NCKAP5: variants seen among roughly 807,000 people sequenced by gnomAD.
NCKAP5 encodes the protein NCK associated protein 5, also known as nck-associated protein 5.
NCKAP5 carries 92 observed loss-of-function variants against 167.0 expected under a neutral mutation model. The observed-to-expected ratio is 0.55, with a 90% confidence interval of 0.47 to 0.66. NCKAP5 has a LOEUF of 0.66. NCKAP5 is among the 30% of genes least tolerant of loss of function. NCKAP5 has a pLI of 0.00. For synonymous variants in NCKAP5, 891 were observed against 877.4 expected (o/e 1.02, Z -0.27); for missense variants, 2,378 against 2,315.0 (o/e 1.03, Z -0.56).
intron 11 of NCKAP5, among the ~76,000 whole-genome samples, chr2:132,838,974 C>G (rs1166123433): frequency 6.6e-6 from 1 of 152,160 alleles, no homozygotes; most frequent in Non-Finnish European, 1.5e-5. Flanking sequence ...ACATGGAGAA[C>G]CTTTTGACAT....
intron 6 of NCKAP5, among the ~76,000 whole-genome samples, chr2:133,037,642 T>C (rs539175790): frequency 6.6e-6 from 1 of 152,220 alleles, no homozygotes; most frequent in South Asian, 2.1e-4. Context: ...TATACAGAAG[T>C]CAAATCAAAA....
At chr2:133,047,874 A>T (rs899306445) in intron 6 of NCKAP5, among the ~76,000 whole-genome samples, 24 of 152,228 alleles carry the variant, frequency 1.6e-4, no homozygotes, top group Non-Finnish European at 3.2e-4. Context: ...CTTTTAAAAA[A>T]TGCTTTGCAA....
chr2:133,029,447 G>A (rs568678541), intron 6 of NCKAP5, among the ~76,000 whole-genome samples: 36 of 152,112 alleles, frequency 2.4e-4, no homozygotes, highest in Non-Finnish European at 4.0e-4. Context: ...CTCACCCAGC[G>A]TACCACTACA....
At chr2:133,632,341 C>T in the NCKAP5 span, among the ~76,000 whole-genome samples, 2 of 151,908 alleles carry the variant, frequency 1.3e-5, no homozygotes, top group Non-Finnish European at 2.9e-5. Context: ...TACTTTTTTG[C>T]CTTCGGCAAA....
intron 3 of NCKAP5, among the ~76,000 whole-genome samples, chr2:133,311,090 C>T (rs1275245399): frequency 2.0e-5 from 3 of 152,160 alleles, no homozygotes; most frequent in African/African-American, 7.2e-5. Flanking sequence ...GATAGCATCA[C>T]ATCCCTCAGG....
chr2:132,673,386 G>C, intron 19 of NCKAP5, 81 bp from the exon 20 acceptor site: 1 of 1,181,562 alleles, frequency 8.5e-7, no homozygotes, highest in South Asian at 1.6e-5. Flanking sequence ...ATTATTGTCT[G>C]TATAAAGTAC....
rs145623344 is a variant in NCKAP5, at chr2:132,962,560, T to C, written c.579+1160A>G. 6.6e-3 allele frequency among the ~76,000 whole-genome samples: 1,012 copies of C among 152,218 alleles called. 13 individuals carry two copies. Among genetic ancestry groups the C allele is most frequent in the Non-Finnish European group, 0.011 (723 of 68,010 alleles). On this transcript the variant is annotated intron_variant, in intron 8 of 19. Coordinates refer to ENST00000409261, the MANE Select transcript of NCKAP5 (RefSeq NM_207363.3). ...GAGGTAGAATTGCAGAAAGCAAGCA[T>C]AGAAAACAAGGCCCCTCCAGGTCTT... is the stretch of plus-strand genomic sequence containing the variant.
At chr2:133,656,709 C>T in the NCKAP5 span, among the ~76,000 whole-genome samples, 7 of 152,286 alleles carry the variant, frequency 4.6e-5, no homozygotes, top group South Asian at 1.0e-3. Flanking sequence ...AAAATAAATG[C>T]ACCAAGTGTG....
chr2:133,396,900 G>A (rs1005865099), intron 3 of NCKAP5, among the ~76,000 whole-genome samples: 2 of 152,184 alleles, frequency 1.3e-5, no homozygotes, highest in Admixed American at 6.5e-5. Flanking sequence ...GACTTCAATT[G>A]AAATTCAGCT....
intron 19 of NCKAP5, among the ~76,000 whole-genome samples, chr2:132,682,674 A>G (rs993068767): frequency 1.3e-5 from 2 of 152,182 alleles, no homozygotes; most frequent in Admixed American, 1.3e-4. Context: ...ATTCAGAGTT[A>G]TGGATGTGCC....
At chr2:133,127,055 GAGAAAAAA>G (rs1405241408) in intron 6 of NCKAP5, among the ~76,000 whole-genome samples, 3 of 151,388 alleles carry the variant, frequency 2.0e-5, no homozygotes, top group Non-Finnish European at 4.4e-5. Context: ...ATTGGCCCAA[GAGAAAAAA>G]AGAAAAAAAT....
chr2:133,657,930 C>G, the NCKAP5 span, among the ~76,000 whole-genome samples: 3 of 151,910 alleles, frequency 2.0e-5, no homozygotes, highest in Admixed American at 2.0e-4. Flanking sequence ...GGAAAGAACC[C>G]AAAACTCCGC....
At chr2:133,628,574 T>G in the NCKAP5 span, among the ~76,000 whole-genome samples, 1 of 152,108 alleles carries the variant, frequency 6.6e-6, no homozygotes, top group African/African-American at 2.4e-5. Context: ...CTGCCCAAAT[T>G]ATAAATTCAA....
At chr2:132,860,243 C>T (rs538870448) in intron 11 of NCKAP5, among the ~76,000 whole-genome samples, 51 of 152,304 alleles carry the variant, frequency 3.3e-4, no homozygotes, top group Admixed American at 1.8e-3. Context: ...TAGTTTACTA[C>T]AGAACATCTT....
chr2:133,654,240 G>C, the NCKAP5 span, among the ~76,000 whole-genome samples: 2 of 152,098 alleles, frequency 1.3e-5, no homozygotes, highest in South Asian at 4.2e-4. Context: ...AATTATCTGG[G>C]TGTGATGGGC....
At chr2:133,563,062 C>T (rs16826484) in intron 1 of NCKAP5, among the ~76,000 whole-genome samples, 19,918 of 152,172 alleles carry the variant, frequency 0.13, 2,962 homozygotes, top group African/African-American at 0.36. Context: ...CTAAACCCTT[C>T]TGGCTATTTA....
At chr2:133,610,711 CTCTTT>C in the NCKAP5 span, among the ~76,000 whole-genome samples, 1 of 152,198 alleles carries the variant, frequency 6.6e-6, no homozygotes, top group Non-Finnish European at 1.5e-5. Context: ...CTCTCTCTCT[CTCTTT>C]TAAAAATAGA....
intron 6 of NCKAP5, among the ~76,000 whole-genome samples, chr2:133,016,917 A>T (rs747756511): frequency 2.6e-4 from 40 of 152,360 alleles, no homozygotes; most frequent in Non-Finnish European, 4.6e-4. Flanking sequence ...TGTAACTGAG[A>T]CACATAACAA....
At chr2:133,448,788 T>C (rs1691370095) in intron 3 of NCKAP5, among the ~76,000 whole-genome samples, 1 of 152,080 alleles carries the variant, frequency 6.6e-6, no homozygotes, top group Admixed American at 6.6e-5. Flanking sequence ...TACAGGTGCA[T>C]GCCATCACAC....
Sources: gnomAD v4.1 joint callset for allele counts (sites outside exome capture counted in the v4.1 genomes callset) on GRCh38, gnomAD v4.1.1 for gene constraint, MANE v1.5 for transcripts, NCBI Gene and HGNC (gene_info 2026-07-23, HGNC 2026-07-21) for gene names.